MSTO1: variants seen among roughly 807,000 people sequenced by gnomAD.
The protein encoded by MSTO1 is misato mitochondrial distribution and morphology regulator 1.
A neutral mutation model predicts 55.7 loss-of-function variants in MSTO1; 24 were observed. That is an observed-to-expected ratio of 0.43 (90% CI 0.31 to 0.61). The LOEUF (loss-of-function observed/expected upper bound fraction) is 0.61, where lower values mean the gene tolerates loss of function less well. Among genes scored for constraint, MSTO1 ranks in the 20% least tolerant of loss-of-function variants. MSTO1 has a pLI of 0.09. For synonymous variants in MSTO1, 162 were observed against 252.8 expected (o/e 0.64, Z 3.41); for missense variants, 363 against 625.7 (o/e 0.58, Z 4.48).
chr1:155,606,196 G>GC (rs1428955221), upstream of MSTO1, among the ~76,000 whole-genome samples: 2 of 56,850 alleles, frequency 3.5e-5, no homozygotes, highest in African/African-American at 5.8e-5. Context: ...ACCATGCCCA[G>GC]CCTTTTTTTT....
chr1:155,607,208 C>G (rs1449946534), upstream of MSTO1, among the ~76,000 whole-genome samples: 2 of 151,430 alleles, frequency 1.3e-5, no homozygotes, highest in Non-Finnish European at 2.9e-5. Flanking sequence ...TGGAGTCTTT[C>G]TCTGTCACCA....
At chr1:155,579,647 G>T in the MSTO1 span, among the ~76,000 whole-genome samples, 1 of 152,186 alleles carries the variant, frequency 6.6e-6, no homozygotes, top group Non-Finnish European at 1.5e-5. Flanking sequence ...ATAATAACGT[G>T]TACCTGATGG....
At chr1:155,586,955 G>T in the MSTO1 span, among the ~76,000 whole-genome samples, 6 of 151,990 alleles carry the variant, frequency 3.9e-5, 1 homozygote, top group South Asian at 1.0e-3. Context: ...GCCATATTGG[G>T]CAGGCTGGTC....
the MSTO1 span, among the ~76,000 whole-genome samples, chr1:155,596,811 G>T: frequency 6.6e-6 from 1 of 151,536 alleles, no homozygotes; most frequent in Non-Finnish European, 1.5e-5. Flanking sequence ...CCAGCTTTAA[G>T]AGATGAATGG....
At chr1:155,604,913 T>G in the MSTO1 span, among the ~76,000 whole-genome samples, 7 of 151,958 alleles carry the variant, frequency 4.6e-5, no homozygotes, top group Non-Finnish European at 1.0e-4. Flanking sequence ...ATATTAAAAT[T>G]GATAAAAACT....
the MSTO1 span, among the ~76,000 whole-genome samples, chr1:155,571,230 G>GTTGTATGCAGCC: frequency 6.6e-6 from 1 of 152,142 alleles, no homozygotes; most frequent in Non-Finnish European, 1.5e-5. Context: ...TGGCCCATGG[G>GTTGTATGCAGCC]CTGCATACAA....
chr1:155,567,984 G>A, the MSTO1 span, among the ~76,000 whole-genome samples: 1 of 151,806 alleles, frequency 6.6e-6, no homozygotes, highest in Non-Finnish European at 1.5e-5. Context: ...GTTGCAGTGA[G>A]CGGAGATTGC....
chr1:155,587,941 C>A, the MSTO1 span, among the ~76,000 whole-genome samples: 1 of 151,848 alleles, frequency 6.6e-6, no homozygotes, highest in South Asian at 2.1e-4. Flanking sequence ...CGCGGTGGCT[C>A]ACACCTGTAA....
the MSTO1 span, among the ~76,000 whole-genome samples, chr1:155,596,411 G>C: frequency 6.6e-6 from 1 of 152,140 alleles, no homozygotes; most frequent in Non-Finnish European, 1.5e-5. Context: ...GGTTTACTTT[G>C]ATGAACAATT....
chr1:155,612,594 G>T, intron 9 of MSTO1, 24 bp downstream of exon 9: 4 of 1,592,708 alleles, frequency 2.5e-6, no homozygotes, highest in Non-Finnish European at 3.4e-6. Flanking sequence ...CTCTTGTTCT[G>T]ACTGCGGCAG....
At chr1:155,567,099 T>C in the MSTO1 span, among the ~76,000 whole-genome samples, 1 of 151,864 alleles carries the variant, frequency 6.6e-6, no homozygotes, top group South Asian at 2.1e-4. Flanking sequence ...TGACGAGTTA[T>C]GGTAAATGCT....
At chr1:155,590,881 G>C in the MSTO1 span, 4 of 1,611,880 alleles carry the variant, frequency 2.5e-6, no homozygotes, top group Non-Finnish European at 3.4e-6. Context: ...CAGGACCCCT[G>C]AGGTGACAAA....
chr1:155,603,938 A>G, the MSTO1 span, among the ~76,000 whole-genome samples: 2 of 152,142 alleles, frequency 1.3e-5, no homozygotes, highest in South Asian at 2.1e-4. Flanking sequence ...AATATATTTT[A>G]TTTTTGACAG....
chr1:155,566,677 G>A, the MSTO1 span, among the ~76,000 whole-genome samples: 3 of 151,878 alleles, frequency 2.0e-5, no homozygotes, highest in East Asian at 1.9e-4. Flanking sequence ...GTGCAATGGC[G>A]TGATCTCGGC....
At chr1:155,585,383 CG>C in the MSTO1 span, among the ~76,000 whole-genome samples, 1 of 152,002 alleles carries the variant, frequency 6.6e-6, no homozygotes, top group Non-Finnish European at 1.5e-5. Flanking sequence ...ATTAGCCAGG[CG>C]TGGTGGCGGG....
the MSTO1 span, among the ~76,000 whole-genome samples, chr1:155,573,406 GAT>G: frequency 1.3e-5 from 2 of 151,966 alleles, no homozygotes; most frequent in Non-Finnish European, 2.9e-5. Flanking sequence ...CTACAAAAAA[GAT>G]AGAAAAATTA....
At chr1:155,595,148 A>AT in the MSTO1 span, among the ~76,000 whole-genome samples, 1 of 151,714 alleles carries the variant, frequency 6.6e-6, no homozygotes, top group East Asian at 2.0e-4. Flanking sequence ...AAAAAAAAAA[A>AT]AAAACGCTTT....
the MSTO1 span, among the ~76,000 whole-genome samples, chr1:155,571,449 C>T: frequency 6.6e-6 from 1 of 152,134 alleles, no homozygotes; most frequent in African/African-American, 2.4e-5. Flanking sequence ...GTAGTCCAAG[C>T]TCCTCAGGAG....
the MSTO1 span, among the ~76,000 whole-genome samples, chr1:155,593,696 C>T: frequency 3.9e-5 from 6 of 152,192 alleles, no homozygotes; most frequent in African/African-American, 9.6e-5. Flanking sequence ...GGGCCGGGTG[C>T]GGTGGCTCAC....
Sources: gnomAD v4.1 joint callset for allele counts (sites outside exome capture counted in the v4.1 genomes callset) on GRCh38, gnomAD v4.1.1 for gene constraint, MANE v1.5 for transcripts, NCBI Gene and HGNC (gene_info 2026-07-23, HGNC 2026-07-21) for gene names.